The following QRFPR variants were observed in gnomAD, a reference collection of about 807,000 sequenced individuals.
QRFPR encodes the protein pyroglutamylated RFamide peptide receptor.
A neutral mutation model predicts 31.3 loss-of-function variants in QRFPR; 37 were observed. The ratio of observed to expected loss-of-function variants is 1.18; its 90% confidence interval spans 0.91 to 1.56. The LOEUF (loss-of-function observed/expected upper bound fraction) is 1.56. QRFPR is among the 40% of genes most tolerant of loss of function. The pLI, the probability that QRFPR is intolerant of heterozygous loss-of-function variation, is 0.00. For synonymous variants in QRFPR, 197 were observed against 192.0 expected, an observed-to-expected ratio of 1.03 and a Z score of -0.22; for missense variants, 542 against 532.5, an observed-to-expected ratio of 1.02 and a Z score of -0.18.
chr4:121,350,667 G>A (rs1259460091), intron 1 of QRFPR, among the ~76,000 whole-genome samples: 1 of 152,100 alleles, frequency 6.6e-6, no homozygotes, highest in Non-Finnish European at 1.5e-5. Flanking sequence ...TATTTGGAAG[G>A]TATTTTATTT....
chr4:121,360,309 C>T (rs1224484590), intron 1 of QRFPR, among the ~76,000 whole-genome samples: 2 of 152,164 alleles, frequency 1.3e-5, no homozygotes, highest in African/African-American at 4.8e-5. Context: ...AAACTTAGTA[C>T]TTTCTTAGAA....
intron 1 of QRFPR, among the ~76,000 whole-genome samples, chr4:121,351,843 T>TA (rs11333384): frequency 0.28 from 41,579 of 145,954 alleles, 6,076 homozygotes; most frequent in Middle Eastern, 0.38. Flanking sequence ...TAAAGTAATG[T>TA]AAAAAAAAAA....
At chr4:121,331,653 A>ATTATTG (rs1390530595) in intron 4 of QRFPR, among the ~76,000 whole-genome samples, 2 of 108,826 alleles carry the variant, frequency 1.8e-5, no homozygotes, top group African/African-American at 5.7e-5. Flanking sequence ...TATTATTATT[A>ATTATTG]TTATTGTTAT....
At position 121,380,456 on chromosome 4, in the gene QRFPR, A is replaced by C; in HGVS notation, c.192T>G (p.Ala64=). 6.2e-7 allele frequency: 1 copy of C among 1,614,198 alleles called. No individual in the cohort carries two copies. The highest frequency in any genetic ancestry group is 8.5e-7 in the Non-Finnish European group (1 of 1,180,024). The change falls in exon 1 of 6, where the codon GCT becomes GCG. Residue 64 remains alanine (A), a synonymous_variant. Transcript: ENST00000394427. ...LIFALALFGN[A]LVFYVVTRSK... The stretch of plus-strand genomic sequence containing the variant: ...TGCGGGTCACCACGTAGAACACCAG[A>C]GCATTGCCAAAGAGCGCCAGGGCGA...
At chr4:121,377,315 G>A (rs1199096137) in intron 1 of QRFPR, among the ~76,000 whole-genome samples, 1 of 151,978 alleles carries the variant, frequency 6.6e-6, no homozygotes, top group African/African-American at 2.4e-5. Flanking sequence ...GTTGCTTCCT[G>A]GTGATCTTCA....
At chr4:121,376,756 G>A (rs1341822375) in intron 1 of QRFPR, among the ~76,000 whole-genome samples, 2 of 152,166 alleles carry the variant, frequency 1.3e-5, no homozygotes, top group Non-Finnish European at 2.9e-5. Context: ...GCTGGCGCAG[G>A]CCATTTTCAA....
In QRFPR at chr4:121,333,050, AT is replaced by A. The variant is rs1383323378; in HGVS notation, c.567del (p.Lys189AsnfsTer14). ...PMWHVQQLEI[K>X]YDFLYEKEHI... Reference sequence around the variant, plus strand: ...TGTTCCTTTTCATATAGGAAGTCATATTTGATCTTCATAATAAGAATAATTC... The same window carrying A: ...TGTTCCTTTTCATATAGGAAGTCATATTGATCTTCATAATAAGAATAATTC... On this transcript the variant is annotated frameshift_variant, in exon 4 of 6. Transcript: ENST00000394427. LOFTEE classifies it high-confidence loss of function. The A allele has an allele frequency of 4.4e-6, 7 of 1,601,040 alleles. No individual in the cohort carries two copies. The highest frequency in any genetic ancestry group is 6.0e-6 in the Non-Finnish European group (7 of 1,168,972).
intron 1 of QRFPR, among the ~76,000 whole-genome samples, chr4:121,372,134 G>A (rs1175507219): frequency 1.3e-5 from 2 of 152,114 alleles, no homozygotes; most frequent in Non-Finnish European, 2.9e-5. Context: ...GAAACCAAAC[G>A]GGAGATAGAT....
intron 1 of QRFPR, chr4:121,369,522 C>A: frequency 1.3e-6 from 2 of 1,529,836 alleles, no homozygotes; most frequent in South Asian, 2.3e-5. Context: ...ACTGGGAAGT[C>A]CATCTTGGGT....
intron 1 of QRFPR, among the ~76,000 whole-genome samples, chr4:121,350,350 A>C (rs1725739764): frequency 6.6e-6 from 1 of 152,070 alleles, no homozygotes. Context: ...TCCCCATATT[A>C]TTTTCAGCGA....
chr4:121,333,098 C>T (rs754271299), intron 3 of QRFPR, 42 bp from the exon 4 acceptor site: 2 of 1,343,068 alleles, frequency 1.5e-6, no homozygotes, highest in Admixed American at 1.9e-5. Context: ...CAGTAGTCAG[C>T]ATCAAAAAAC....
chr4:121,372,029 C>T (rs531409474), intron 1 of QRFPR, among the ~76,000 whole-genome samples: 16 of 152,276 alleles, frequency 1.1e-4, no homozygotes, highest in East Asian at 7.7e-4. Context: ...CCTTAAACCA[C>T]GGCCAAGAAA....
At chr4:121,350,147 G>A (rs1296349699) in intron 1 of QRFPR, among the ~76,000 whole-genome samples, 8 of 152,166 alleles carry the variant, frequency 5.3e-5, no homozygotes, top group Non-Finnish European at 1.2e-4. Flanking sequence ...ATTTTCATTG[G>A]GTAGGGACTT....
chr4:121,333,818 G>A (rs1725382676), intron 3 of QRFPR, among the ~76,000 whole-genome samples: 1 of 152,044 alleles, frequency 6.6e-6, no homozygotes, highest in Admixed American at 6.6e-5. Flanking sequence ...TGGGTAATAG[G>A]AATAAAAACG....
chr4:121,341,190 G>T (rs1192151329), intron 1 of QRFPR, among the ~76,000 whole-genome samples: 1 of 152,090 alleles, frequency 6.6e-6, no homozygotes, highest in Non-Finnish European at 1.5e-5. Context: ...TGCTTTATTT[G>T]GTTACACAAT....
chr4:121,371,864 T>G (rs1726253909), intron 1 of QRFPR, among the ~76,000 whole-genome samples: 1 of 152,128 alleles, frequency 6.6e-6, no homozygotes, highest in African/African-American at 2.4e-5. Flanking sequence ...TTCCATTGAT[T>G]CAGTTAGTAA....
In QRFPR at chr4:121,329,105, G is replaced by C; in HGVS notation, c.*209C>G. ...CAAGTGAAGCAGTGGGAATGAGAAG[G>C]AACACAGAAATCTGTTAAATGATTG... On this transcript the variant is annotated 3_prime_UTR_variant, in exon 6 of 6. Transcript: ENST00000394427. The C allele has an allele frequency of 2.2e-6, 1 of 459,204 alleles. No individual in the cohort carries two copies. 28.4% of individuals were successfully genotyped at this position (459,204 alleles called of 1,614,324 possible).
chr4:121,372,518 T>C (rs756353671), intron 1 of QRFPR, among the ~76,000 whole-genome samples: 14 of 152,232 alleles, frequency 9.2e-5, no homozygotes, highest in Non-Finnish European at 1.5e-4. Flanking sequence ...AACACCACTA[T>C]CTGTTTCAAA....
At chr4:121,372,760 T>C (rs1726275960) in intron 1 of QRFPR, among the ~76,000 whole-genome samples, 1 of 152,244 alleles carries the variant, frequency 6.6e-6, no homozygotes, top group Non-Finnish European at 1.5e-5. Context: ...CAGAACTTCA[T>C]TCCCTTTCAT....
Sources: allele counts gnomAD v4.1 joint callset (sites outside exome capture counted in the v4.1 genomes callset), GRCh38; gene constraint gnomAD v4.1.1; transcripts MANE v1.5; gene names NCBI Gene and HGNC (gene_info 2026-07-23, HGNC 2026-07-21).